COL21A1: variants seen among roughly 807,000 people sequenced by gnomAD.
COL21A1 encodes collagen alpha-1(XXI) chain.
A neutral mutation model predicts 137.9 loss-of-function variants in COL21A1; 149 were observed. That is an observed-to-expected ratio of 1.08 (90% CI 0.95 to 1.24). The LOEUF (loss-of-function observed/expected upper bound fraction) is 1.24. Among genes scored for constraint, COL21A1 ranks in the 50% most tolerant of loss-of-function variants. COL21A1 has a pLI of 0.00. For missense variants in COL21A1, 1,167 were observed against 1,158.4 expected (o/e 1.01, Z -0.11); for synonymous variants, 456 against 391.5 (o/e 1.16, Z -1.95).
intron 24 of COL21A1, among the ~76,000 whole-genome samples, chr6:56,062,395 G>A (rs1304498900): frequency 1.3e-5 from 2 of 151,878 alleles, no homozygotes; most frequent in African/African-American, 4.8e-5. Flanking sequence ...GTATTATAGA[G>A]GAAAAAAACT....
At chr6:56,092,491 G>A (rs1358228697) in intron 17 of COL21A1, among the ~76,000 whole-genome samples, 1 of 151,974 alleles carries the variant, frequency 6.6e-6, no homozygotes, top group African/African-American at 2.4e-5. Context: ...ATACAACAAT[G>A]AAAAATGTAG....
intron 1 of COL21A1, among the ~76,000 whole-genome samples, chr6:56,285,614 G>A (rs72879914): frequency 0.11 from 16,618 of 152,050 alleles, 1,205 homozygotes; most frequent in Non-Finnish European, 0.16. Context: ...CCCAAAAGAC[G>A]ACATTTATTA....
chr6:56,392,901 T>A (rs999162650), intron 1 of COL21A1, among the ~76,000 whole-genome samples: 1 of 152,100 alleles, frequency 6.6e-6, no homozygotes, highest in African/African-American at 2.4e-5. Flanking sequence ...AGAATCAATA[T>A]TGTTAAAAAT....
intron 20 of COL21A1, among the ~76,000 whole-genome samples, chr6:56,071,065 T>C (rs1487509779): frequency 2.0e-5 from 3 of 151,436 alleles, no homozygotes; most frequent in Non-Finnish European, 4.4e-5. Context: ...GTCAAATCTT[T>C]AGTGGCCAGC....
At chr6:56,093,592 T>TTC (rs1769056167) in intron 17 of COL21A1, among the ~76,000 whole-genome samples, 2 of 152,286 alleles carry the variant, frequency 1.3e-5, no homozygotes, top group African/African-American at 4.8e-5. Flanking sequence ...GACCTAGGAA[T>TTC]ACCCCTCTGG....
At chr6:56,362,815 T>C (rs962940720) in intron 1 of COL21A1, among the ~76,000 whole-genome samples, 1 of 152,200 alleles carries the variant, frequency 6.6e-6, no homozygotes, top group Non-Finnish European at 1.5e-5. Context: ...TGCAAGTCCC[T>C]AGCTGTTTGT....
chr6:56,224,176 G>T (rs1372383967), intron 1 of COL21A1, among the ~76,000 whole-genome samples: 1 of 152,020 alleles, frequency 6.6e-6, no homozygotes, highest in Non-Finnish European at 1.5e-5. Flanking sequence ...TCACCCCACG[G>T]GGCTTAGGGG....
intron 1 of COL21A1, among the ~76,000 whole-genome samples, chr6:56,372,468 T>C (rs1253743407): frequency 6.6e-6 from 1 of 152,138 alleles, no homozygotes; most frequent in Non-Finnish European, 1.5e-5. Flanking sequence ...TCAGAAAGTA[T>C]TGGCAGGGAG....
rs1464465293 is a variant in COL21A1, at chr6:56,060,764, T to A, written c.2384A>T (p.Gln795Leu). The change falls in exon 27 of 30, where the codon CAA (glutamine) becomes CTA (leucine). Residue 795 changes from glutamine to leucine, a missense_variant. By Grantham distance (113) the Gln-to-Leu change is moderately radical (BLOSUM62 -2). Coordinates refer to ENST00000244728, the MANE Select transcript of COL21A1 (RefSeq NM_030820.4). ...ACCTCTTATTACATCTGTGCAAACT[T>A]GTCGAATAAATTGTTCTGAAAACTC... Reference protein sequence around the residue: ...GREFSEQFIRQVCTDVIRAQL... With the variant: ...GREFSEQFIRLVCTDVIRAQL... The A allele has an allele frequency of 1.9e-6, 3 of 1,609,784 alleles. No homozygotes were observed. Among genetic ancestry groups the A allele is most frequent in the Non-Finnish European group, 2.5e-6 (3 of 1,178,912 alleles).
At chr6:56,145,518 G>T (rs894335289) in intron 10 of COL21A1, among the ~76,000 whole-genome samples, 3 of 151,930 alleles carry the variant, frequency 2.0e-5, no homozygotes, top group Admixed American at 6.6e-5. Context: ...TTAAAAAGGG[G>T]AATATTACAA....
intron 1 of COL21A1, among the ~76,000 whole-genome samples, chr6:56,286,821 C>T (rs1322432890): frequency 1.3e-5 from 2 of 152,116 alleles, no homozygotes; most frequent in Non-Finnish European, 1.5e-5. Context: ...GAGAAGGGGC[C>T]ATCATCTCCT....
Position 56,391,676 on chromosome 6 carries a change from A to G in COL21A1, c.-39+2295T>C, listed in dbSNP as rs533772290. 3.9e-5 allele frequency among the ~76,000 whole-genome samples: 6 copies of G among 152,286 alleles called. 1 individual carries two copies. In the South Asian group the frequency reaches 1.2e-3, roughly 32 times the overall value. Reference sequence around the variant, plus strand: ...GAGCAACCACATGCCAATAAGTTGGAAAACCTAGAACAATTGGATATGTTT... The same window carrying G: ...GAGCAACCACATGCCAATAAGTTGGGAAACCTAGAACAATTGGATATGTTT... On this transcript the variant is annotated intron_variant, in intron 1 of 28. Coordinates refer to the COL21A1 transcript ENST00000370819.
At chr6:56,161,612 G>A (rs566474296) in intron 9 of COL21A1, among the ~76,000 whole-genome samples, 3 of 152,174 alleles carry the variant, frequency 2.0e-5, no homozygotes, top group African/African-American at 7.2e-5. Context: ...ACAAAAGAAG[G>A]GCTTGCATAT....
chr6:56,271,557 G>T (rs1385965722), intron 1 of COL21A1, among the ~76,000 whole-genome samples: 1 of 152,226 alleles, frequency 6.6e-6, no homozygotes, highest in Non-Finnish European at 1.5e-5. Flanking sequence ...ATTTTCTGGG[G>T]AGGAATTCAA....
chr6:56,241,542 A>G (rs1782325116), intron 1 of COL21A1, among the ~76,000 whole-genome samples: 1 of 152,206 alleles, frequency 6.6e-6, no homozygotes, highest in Non-Finnish European at 1.5e-5. Flanking sequence ...GAAAAAAAGT[A>G]AAAGAGCTGT....
intron 1 of COL21A1, among the ~76,000 whole-genome samples, chr6:56,306,843 T>C (rs1024873600): frequency 6.6e-6 from 1 of 152,114 alleles, no homozygotes; most frequent in Non-Finnish European, 1.5e-5. Flanking sequence ...TTTTTCCCCA[T>C]CTTTGTGGTT....
intron 1 of COL21A1, among the ~76,000 whole-genome samples, chr6:56,297,578 CTG>C (rs1375104487): frequency 6.6e-6 from 1 of 152,056 alleles, no homozygotes; most frequent in Non-Finnish European, 1.5e-5. Flanking sequence ...CTTTTACTGA[CTG>C]TAACTTATTT....
chr6:56,237,915 T>C (rs533037879), intron 1 of COL21A1, among the ~76,000 whole-genome samples: 3 of 152,120 alleles, frequency 2.0e-5, no homozygotes, highest in African/African-American at 7.2e-5. Context: ...ACAGCTGTAT[T>C]CTATAAAGCC....
chr6:56,228,015 C>T (rs1330858008), intron 1 of COL21A1, among the ~76,000 whole-genome samples: 1 of 151,812 alleles, frequency 6.6e-6, no homozygotes. Flanking sequence ...ACAAGATGTG[C>T]TCAGTGAAAA....
Sources: gnomAD v4.1 joint callset for allele counts (sites outside exome capture counted in the v4.1 genomes callset) on GRCh38, gnomAD v4.1.1 for gene constraint, MANE v1.5 for transcripts, NCBI Gene and HGNC (gene_info 2026-07-23, HGNC 2026-07-21) for gene names.